Variants in SGCZ observed in about 807,000 individuals in gnomAD.
The protein encoded by SGCZ is sarcoglycan zeta.
Under a neutral mutation model 41.3 loss-of-function variants are expected in SGCZ, and 40 were observed. That is an observed-to-expected ratio of 0.97 (90% CI 0.75 to 1.26). The LOEUF (loss-of-function observed/expected upper bound fraction) is 1.26, where lower values mean the gene tolerates loss of function less well. Ranked by LOEUF, SGCZ falls within the 50% of genes most tolerant of loss-of-function variation. SGCZ has a pLI of 0.00. For synonymous variants in SGCZ, 206 were observed against 137.5 expected, an observed-to-expected ratio of 1.50 and a Z score of -3.49; for missense variants, 552 against 369.8, an observed-to-expected ratio of 1.49 and a Z score of -4.04.
chr8:14,813,416 G>A (rs1482447255), intron 1 of SGCZ, among the ~76,000 whole-genome samples: 2 of 152,136 alleles, frequency 1.3e-5, no homozygotes, highest in African/African-American at 2.4e-5. Context: ...AGAGTGGGCA[G>A]GTTAACTCAT....
At chr8:14,352,173 C>T (rs1274456469) in intron 2 of SGCZ, among the ~76,000 whole-genome samples, 2 of 151,822 alleles carry the variant, frequency 1.3e-5, no homozygotes, top group African/African-American at 4.8e-5. Flanking sequence ...AAAAGAGTTA[C>T]AAAAACTTGT....
intron 1 of SGCZ, among the ~76,000 whole-genome samples, chr8:14,630,022 T>A (rs1806593018): frequency 6.6e-6 from 1 of 152,120 alleles, no homozygotes; most frequent in South Asian, 2.1e-4. Flanking sequence ...TACTTTGTAT[T>A]ATCTCAGATA....
intron 6 of SGCZ, among the ~76,000 whole-genome samples, chr8:14,105,465 A>C (rs1431598854): frequency 6.6e-6 from 1 of 152,154 alleles, no homozygotes; most frequent in African/African-American, 2.4e-5. Context: ...TGTTGATTAG[A>C]AGTAGGCATC....
chr8:14,205,180 T>C (rs1191239242), intron 4 of SGCZ, among the ~76,000 whole-genome samples: 3 of 152,112 alleles, frequency 2.0e-5, no homozygotes, highest in Non-Finnish European at 4.4e-5. Flanking sequence ...TATTTTTTTT[T>C]TTTCACTTCT....
At chr8:14,769,793 T>TAAAAAAAAAAAAAAAAAA (rs565416806) in intron 1 of SGCZ, among the ~76,000 whole-genome samples, 33 of 52,154 alleles carry the variant, frequency 6.3e-4, no homozygotes, top group Non-Finnish European at 9.2e-4. Flanking sequence ...AAAACACCAT[T>TAAAAAAAAAAAAAAAAAA]AAAAAAAAAA....
chr8:14,296,284 T>G (rs891941791), intron 3 of SGCZ, among the ~76,000 whole-genome samples: 1 of 152,038 alleles, frequency 6.6e-6, no homozygotes, highest in African/African-American at 2.4e-5. Flanking sequence ...TAAAAACTAC[T>G]ACACATGGAG....
intron 1 of SGCZ, among the ~76,000 whole-genome samples, chr8:14,676,489 A>T (rs1399118012): frequency 6.6e-6 from 1 of 152,146 alleles, no homozygotes; most frequent in Non-Finnish European, 1.5e-5. Flanking sequence ...ATGGCACTTC[A>T]GCCTGGAGAC....
At chr8:14,120,089 C>T (rs1481230476) in intron 5 of SGCZ, among the ~76,000 whole-genome samples, 1 of 151,868 alleles carries the variant, frequency 6.6e-6, no homozygotes, top group Non-Finnish European at 1.5e-5. Context: ...TTTAAAGGCT[C>T]ACATTTATTC....
chr8:14,837,101 T>C (rs920812104), intron 1 of SGCZ, among the ~76,000 whole-genome samples: 12 of 152,186 alleles, frequency 7.9e-5, no homozygotes, highest in African/African-American at 2.9e-4. Context: ...GACACAAATT[T>C]TGTCACTGAT....
intron 1 of SGCZ, among the ~76,000 whole-genome samples, chr8:14,963,995 C>T (rs887612532): frequency 5.9e-5 from 9 of 152,188 alleles, no homozygotes; most frequent in East Asian, 3.9e-4. Flanking sequence ...AGGTCACAAG[C>T]GTAAATAAAA....
chr8:14,479,545 A>G (rs983506026), intron 2 of SGCZ, among the ~76,000 whole-genome samples: 1 of 152,134 alleles, frequency 6.6e-6, no homozygotes, highest in African/African-American at 2.4e-5. Flanking sequence ...GACACGCAGT[A>G]TTAACCATCA....
At chr8:15,092,256 C>G (rs1344654282) in intron 1 of SGCZ, among the ~76,000 whole-genome samples, 2 of 152,100 alleles carry the variant, frequency 1.3e-5, no homozygotes, top group Non-Finnish European at 2.9e-5. Context: ...AGGGTTAAGT[C>G]TTGTTTTTTC....
chr8:14,824,328 T>C lies in SGCZ; in HGVS notation c.40-269402A>G, dbSNP rs142726297. The stretch of plus-strand genomic sequence containing the variant: ...CCGATTATTGGATCATTATACAACA[T>C]AGATTTGTATCAAAGAATCAAATTA... On this transcript the variant is annotated intron_variant, in intron 1 of 7. Transcript: ENST00000382080. 7.2e-5 allele frequency among the ~76,000 whole-genome samples: 11 copies of C among 152,240 alleles called. No individual in the cohort carries two copies. In the East Asian group the frequency reaches 1.9e-3, roughly 27 times the overall value.
chr8:14,220,225 T>G lies in SGCZ; in HGVS notation c.424+17367A>C, dbSNP rs143450362. Among the ~76,000 whole-genome samples the G allele has an allele frequency of 3.3e-5, 5 of 151,910 alleles. No homozygotes were observed. In the East Asian group the frequency reaches 9.7e-4, roughly 29 times the overall value. On this transcript the variant is annotated intron_variant, in intron 4 of 7. Coordinates refer to ENST00000382080, the MANE Select transcript of SGCZ (RefSeq NM_139167.4). The stretch of plus-strand genomic sequence containing the variant: ...ACTGAACTGAAAACTTCAATAGGAG[T>G]AGAATGGATAAATTGTAGTGTATTT...
intron 2 of SGCZ, among the ~76,000 whole-genome samples, chr8:14,475,977 A>AT (rs1279949341): frequency 0.019 from 2,733 of 143,184 alleles, 90 homozygotes; most frequent in African/African-American, 0.063. Flanking sequence ...ATGCCTAGCT[A>AT]TTTTTTTTTT....
intron 4 of SGCZ, among the ~76,000 whole-genome samples, chr8:14,207,217 C>A (rs1805644481): frequency 1.6e-5 from 1 of 62,180 alleles, no homozygotes; most frequent in African/African-American, 9.1e-5. Context: ...AAGAAATTAG[C>A]CAATTAAGCA....
At chr8:14,838,262 G>T (rs981828506) in intron 1 of SGCZ, among the ~76,000 whole-genome samples, 1 of 152,000 alleles carries the variant, frequency 6.6e-6, no homozygotes, top group Non-Finnish European at 1.5e-5. Context: ...AGCACAATAG[G>T]ATGACTATAG....
intron 2 of SGCZ, among the ~76,000 whole-genome samples, chr8:14,551,793 T>G (rs1803877833): frequency 6.8e-6 from 1 of 148,086 alleles, no homozygotes; most frequent in Admixed American, 7.0e-5. Context: ...AGAATAATTT[T>G]ATTTTCTAAA....
At chr8:14,858,693 AC>A (rs1189375569) in intron 1 of SGCZ, among the ~76,000 whole-genome samples, 1 of 152,136 alleles carries the variant, frequency 6.6e-6, no homozygotes, top group Non-Finnish European at 1.5e-5. Context: ...TGGAATTTTT[AC>A]CCAAGCCTGA....
Sources: allele counts gnomAD v4.1 joint callset (sites outside exome capture counted in the v4.1 genomes callset), GRCh38; gene constraint gnomAD v4.1.1; transcripts MANE v1.5; gene names NCBI Gene and HGNC (gene_info 2026-07-23, HGNC 2026-07-21).